NXPE2: variants seen among roughly 807,000 people sequenced by gnomAD.
The protein encoded by NXPE2 is NXPE family member 2.
A neutral mutation model predicts 34.4 loss-of-function variants in NXPE2; 34 were observed. The ratio of observed to expected loss-of-function variants is 0.99; its 90% confidence interval spans 0.75 to 1.31. The LOEUF (loss-of-function observed/expected upper bound fraction) is 1.31, where lower values mean the gene tolerates loss of function less well. NXPE2 is among the 40% of genes most tolerant of loss of function. The pLI is 0.00. For missense variants in NXPE2, 649 were observed against 672.5 expected, an observed-to-expected ratio of 0.97 and a Z score of 0.39; for synonymous variants, 235 against 231.3, an observed-to-expected ratio of 1.02 and a Z score of -0.15.
the NXPE2 span, among the ~76,000 whole-genome samples, chr11:114,720,906 T>G: frequency 6.6e-6 from 1 of 152,176 alleles, no homozygotes; most frequent in East Asian, 1.9e-4. Flanking sequence ...CTTCTTATTC[T>G]CTAGAGAGCA....
At chr11:114,665,651 A>G in the NXPE2 span, among the ~76,000 whole-genome samples, 1 of 152,184 alleles carries the variant, frequency 6.6e-6, no homozygotes, top group Non-Finnish European at 1.5e-5. Flanking sequence ...TAGGTGGAAG[A>G]TAGTTCAGCA....
chr11:114,760,821 C>G, the NXPE2 span, among the ~76,000 whole-genome samples: 1 of 152,194 alleles, frequency 6.6e-6, no homozygotes, highest in African/African-American at 2.4e-5. Context: ...CCCCCAAACA[C>G]ACATTTTAAT....
chr11:114,706,796 G>T lies in NXPE2; in HGVS notation c.1546G>T (p.Asp516Tyr), dbSNP rs73564342. The T allele has an allele frequency of 1.7e-3, 2,600 of 1,552,308 alleles. 34 individuals are homozygous for T. In the African/African-American group the frequency reaches 0.03, roughly 18 times the overall value. ...CTATATTCAGAATCTTATCATAAGA[G>T]ATATTTTTGTGGATCTTAATGTGGG... ...HGYIQNLIIR[D>Y]IFVDLNVGII... is the part of the protein sequence containing the mutation. Residue 516 changes from aspartate to tyrosine, a missense_variant, in exon 6 of 6, where the codon GAT becomes TAT. Coordinates refer to ENST00000389586, the MANE Select transcript of NXPE2 (RefSeq NM_182495.6).
the NXPE2 span, among the ~76,000 whole-genome samples, chr11:114,523,259 C>T: frequency 1.6e-3 from 237 of 152,252 alleles, 2 homozygotes; most frequent in Non-Finnish European, 2.7e-3. Context: ...GCTTCAGGCA[C>T]TTCTGCTTAT....
chr11:114,603,663 C>T, the NXPE2 span, among the ~76,000 whole-genome samples: 10 of 151,668 alleles, frequency 6.6e-5, no homozygotes, highest in Non-Finnish European at 1.5e-5. Context: ...CAAGTATTGC[C>T]TCGTCTCTTG....
chr11:114,619,774 T>C, the NXPE2 span, among the ~76,000 whole-genome samples: 1 of 152,120 alleles, frequency 6.6e-6, no homozygotes, highest in African/African-American at 2.4e-5. Context: ...TGTTACCAGG[T>C]GGATAATAAG....
At chr11:114,799,181 A>G in the NXPE2 span, among the ~76,000 whole-genome samples, 2 of 152,210 alleles carry the variant, frequency 1.3e-5, no homozygotes, top group South Asian at 4.2e-4. Context: ...TTGATAGAGA[A>G]GAGAAAATAA....
the NXPE2 span, among the ~76,000 whole-genome samples, chr11:114,653,095 T>C: frequency 2.0e-5 from 3 of 152,334 alleles, no homozygotes; most frequent in African/African-American, 7.2e-5. Context: ...TGTATAAATT[T>C]TCAAAACAAG....
At chr11:114,606,387 G>T in the NXPE2 span, among the ~76,000 whole-genome samples, 1 of 150,830 alleles carries the variant, frequency 6.6e-6, no homozygotes, top group Non-Finnish European at 1.5e-5. Flanking sequence ...GTTGCCTCAT[G>T]GGTAACCACT....
chr11:114,626,210 A>T, the NXPE2 span, among the ~76,000 whole-genome samples: 2,231 of 152,266 alleles, frequency 0.015, 42 homozygotes, highest in African/African-American at 0.051. Flanking sequence ...TGTAGGCTCC[A>T]CCTCTGGGGG....
the NXPE2 span, among the ~76,000 whole-genome samples, chr11:114,568,978 T>TA: frequency 4.6e-5 from 7 of 151,570 alleles, no homozygotes; most frequent in African/African-American, 7.3e-5. Context: ...GGTAGGGATT[T>TA]AAAAAAAAAT....
chr11:114,741,790 T>G, the NXPE2 span, among the ~76,000 whole-genome samples: 1 of 152,342 alleles, frequency 6.6e-6, no homozygotes, highest in South Asian at 2.1e-4. Flanking sequence ...TTCATCTTTG[T>G]TAGGCAATTG....
At chr11:114,756,032 C>T in the NXPE2 span, among the ~76,000 whole-genome samples, 1 of 152,206 alleles carries the variant, frequency 6.6e-6, no homozygotes. Flanking sequence ...TTCTGGATTC[C>T]AGTACATCAG....
At chr11:114,688,446 G>A (rs1470900451) in intron 2 of NXPE2, among the ~76,000 whole-genome samples, 1 of 152,012 alleles carries the variant, frequency 6.6e-6, no homozygotes. Flanking sequence ...CCACTTAATT[G>A]TGGCGAATTA....
the NXPE2 span, among the ~76,000 whole-genome samples, chr11:114,609,794 G>A: frequency 6.6e-6 from 1 of 151,336 alleles, no homozygotes; most frequent in African/African-American, 2.4e-5. Context: ...ACAGTTACCT[G>A]ATGGATAATA....
the NXPE2 span, among the ~76,000 whole-genome samples, chr11:114,602,215 A>G: frequency 2.8e-5 from 3 of 107,336 alleles, no homozygotes; most frequent in African/African-American, 7.4e-5. Flanking sequence ...TATATACAAT[A>G]TATGTTATAG....
the NXPE2 span, among the ~76,000 whole-genome samples, chr11:114,779,678 A>G: frequency 6.4e-3 from 973 of 152,252 alleles, 15 homozygotes; most frequent in African/African-American, 0.022. Flanking sequence ...CAGAGTAAAC[A>G]GAGAAAGTGA....
the NXPE2 span, among the ~76,000 whole-genome samples, chr11:114,786,573 CAAAG>C: frequency 1.3e-5 from 2 of 152,146 alleles, no homozygotes; most frequent in Non-Finnish European, 2.9e-5. Flanking sequence ...CCTTTAAACT[CAAAG>C]AATACTTTTT....
chr11:114,714,895 G>C, the NXPE2 span, among the ~76,000 whole-genome samples: 1 of 152,086 alleles, frequency 6.6e-6, no homozygotes, highest in Non-Finnish European at 1.5e-5. Context: ...GGTGGCACAC[G>C]CCTGTAATCC....
Sources: gnomAD v4.1 joint callset for allele counts (sites outside exome capture counted in the v4.1 genomes callset) on GRCh38, gnomAD v4.1.1 for gene constraint, MANE v1.5 for transcripts, NCBI Gene and HGNC (gene_info 2026-07-23, HGNC 2026-07-21) for gene names.